The following SPIDR variants were observed in gnomAD, a reference collection of about 807,000 sequenced individuals.
SPIDR encodes scaffold protein involved in DNA repair.
A neutral mutation model predicts 104.6 loss-of-function variants in SPIDR; 93 were observed. That is an observed-to-expected ratio of 0.89 (90% CI 0.75 to 1.06). The LOEUF is 1.06. Ranked by LOEUF, SPIDR falls within the 50% of genes least tolerant of loss-of-function variation. The pLI, the probability that SPIDR is intolerant of heterozygous loss-of-function variation, is 0.00. For synonymous variants in SPIDR, 431 were observed against 416.9 expected, an observed-to-expected ratio of 1.03 and a Z score of -0.41; for missense variants, 1,154 against 1,111.2, an observed-to-expected ratio of 1.04 and a Z score of -0.55.
chr8:47,654,739 T>G (rs2072394902), intron 10 of SPIDR, among the ~76,000 whole-genome samples: 1 of 152,164 alleles, frequency 6.6e-6, no homozygotes, highest in Admixed American at 6.6e-5. Flanking sequence ...TCTTTTTTTA[T>G]ATATACTTTA....
At chr8:47,470,217 G>T (rs1409861479) in intron 8 of SPIDR, among the ~76,000 whole-genome samples, 3 of 152,246 alleles carry the variant, frequency 2.0e-5, no homozygotes, top group African/African-American at 7.2e-5. Flanking sequence ...GAGATCAATG[G>T]CATAGAATAG....
chr8:47,442,493 G>A (rs1310831772), intron 8 of SPIDR, among the ~76,000 whole-genome samples: 3 of 152,206 alleles, frequency 2.0e-5, no homozygotes, highest in African/African-American at 7.2e-5. Context: ...TAAAGGTAGT[G>A]TCTGGCAGGG....
intron 8 of SPIDR, among the ~76,000 whole-genome samples, chr8:47,563,378 G>T (rs956653679): frequency 6.6e-6 from 1 of 151,820 alleles, no homozygotes; most frequent in African/African-American, 2.4e-5. Context: ...TCCCTATGTT[G>T]CACAGGCTGA....
chr8:47,262,216 C>A (rs2032614331), intron 1 of SPIDR, among the ~76,000 whole-genome samples: 1 of 152,172 alleles, frequency 6.6e-6, no homozygotes, highest in Admixed American at 6.5e-5. Flanking sequence ...CATCATCTCA[C>A]CCTTAGTCCT....
intron 16 of SPIDR, among the ~76,000 whole-genome samples, chr8:47,725,665 C>G (rs919049353): frequency 6.6e-6 from 1 of 152,230 alleles, no homozygotes; most frequent in Non-Finnish European, 1.5e-5. Context: ...GCTGGAATTA[C>G]AGGCATGAGC....
intron 10 of SPIDR, among the ~76,000 whole-genome samples, chr8:47,630,937 C>T (rs192686943): frequency 1.4e-3 from 212 of 152,210 alleles, no homozygotes; most frequent in Non-Finnish European, 2.5e-3. Flanking sequence ...CCCTGTAACA[C>T]GGAATCCCAG....
chr8:47,506,860 C>T (rs973345057), intron 8 of SPIDR, among the ~76,000 whole-genome samples: 2 of 152,140 alleles, frequency 1.3e-5, no homozygotes, highest in African/African-American at 4.8e-5. Flanking sequence ...CAGGCGGTCC[C>T]TCCAAATCGA....
intron 16 of SPIDR, among the ~76,000 whole-genome samples, chr8:47,718,192 G>A (rs372671792): frequency 1.3e-5 from 2 of 152,100 alleles, no homozygotes; most frequent in Non-Finnish European, 2.9e-5. Context: ...CTAAAGCTAC[G>A]TGCTTGCCTC....
At position 47,599,146 on chromosome 8, in the gene SPIDR, CA is replaced by C. The variant is rs772115509; in HGVS notation, c.1495del (p.Arg499GlyfsTer54). On this transcript the variant is annotated frameshift_variant, in exon 10 of 20. Coordinates refer to ENST00000297423, the MANE Select transcript of SPIDR (RefSeq NM_001080394.4). LOFTEE classifies it high-confidence loss of function. Reference sequence around the variant, plus strand: ...ATTCTCTTCCCAGCAGAGACAGCACCAGGGGTCAGCAGGGGGCCAGCTCAGG... The same window carrying C: ...ATTCTCTTCCCAGCAGAGACAGCACCGGGGTCAGCAGGGGGCCAGCTCAGG... ...VYSLPSRDST[R>X]GQQGASSGHT... The C allele has an allele frequency of 6.2e-7, 1 of 1,613,606 alleles. No individual in the cohort carries two copies. Among genetic ancestry groups the C allele is most frequent in the South Asian group, 1.1e-5 (1 of 90,964 alleles).
chr8:47,393,897 TCCTCC>T (rs1215548270), intron 5 of SPIDR, among the ~76,000 whole-genome samples: 2 of 151,140 alleles, frequency 1.3e-5, no homozygotes, highest in Non-Finnish European at 2.9e-5. Context: ...CTGTCTTTCG[TCCTCC>T]CCTCCCCTCC....
intron 10 of SPIDR, among the ~76,000 whole-genome samples, chr8:47,613,231 C>T (rs529155151): frequency 6.6e-6 from 1 of 152,182 alleles, no homozygotes; most frequent in Non-Finnish European, 1.5e-5. Context: ...ATATTTCATA[C>T]AAATAGAATG....
At chr8:47,699,668 C>A (rs531633464) in intron 11 of SPIDR, among the ~76,000 whole-genome samples, 1 of 152,172 alleles carries the variant, frequency 6.6e-6, no homozygotes, top group South Asian at 2.1e-4. Context: ...GATTTTCCTG[C>A]CTCAACCTCC....
intron 5 of SPIDR, among the ~76,000 whole-genome samples, chr8:47,386,950 T>A (rs559186171): frequency 7.1e-6 from 1 of 140,240 alleles, no homozygotes; most frequent in East Asian, 2.1e-4. Flanking sequence ...GATATAGATA[T>A]AGATATAGAT....
chr8:47,320,899 C>G (rs546831280), intron 5 of SPIDR, among the ~76,000 whole-genome samples: 13 of 152,100 alleles, frequency 8.5e-5, no homozygotes, highest in African/African-American at 2.7e-4. Context: ...ATTTAACAAC[C>G]CTTCATGCTA....
intron 7 of SPIDR, among the ~76,000 whole-genome samples, chr8:47,427,914 C>CTTTTTTCT (rs782382255): frequency 8.9e-4 from 135 of 152,110 alleles, no homozygotes; most frequent in Middle Eastern, 3.4e-3. Context: ...TCGGCGATTT[C>CTTTTTTCT]TTTTTTCTTT....
chr8:47,391,139 C>T (rs1490926549), intron 5 of SPIDR, among the ~76,000 whole-genome samples: 1 of 152,142 alleles, frequency 6.6e-6, no homozygotes, highest in Non-Finnish European at 1.5e-5. Context: ...CCGTGTTCAT[C>T]TGGGGTTATG....
intron 10 of SPIDR, among the ~76,000 whole-genome samples, chr8:47,635,087 A>C (rs1563379315): frequency 6.6e-6 from 1 of 152,088 alleles, no homozygotes; most frequent in Non-Finnish European, 1.5e-5. Flanking sequence ...AGATATAAAG[A>C]TATAGTTATA....
intron 8 of SPIDR, among the ~76,000 whole-genome samples, chr8:47,443,748 T>C (rs1585799851): frequency 6.6e-6 from 1 of 151,794 alleles, no homozygotes; most frequent in East Asian, 1.9e-4. Flanking sequence ...TTAAACTGTT[T>C]TTTTTTTTTA....
At chr8:47,339,947 G>A (rs1034820355) in intron 5 of SPIDR, among the ~76,000 whole-genome samples, 20 of 151,640 alleles carry the variant, frequency 1.3e-4, no homozygotes, top group African/African-American at 4.4e-4. Flanking sequence ...CCAAACTGCT[G>A]GGATTACAGG....
Sources: allele counts gnomAD v4.1 joint callset (sites outside exome capture counted in the v4.1 genomes callset), GRCh38; gene constraint gnomAD v4.1.1; transcripts MANE v1.5; gene names NCBI Gene and HGNC (gene_info 2026-07-23, HGNC 2026-07-21).